The following CDH2 variants were observed in gnomAD, a reference collection of about 807,000 sequenced individuals.
CDH2 encodes cadherin-2.
A neutral mutation model predicts 92.0 loss-of-function variants in CDH2; 17 were observed. That is an observed-to-expected ratio of 0.18 (90% confidence interval 0.13 to 0.28). The LOEUF is 0.28. Among genes scored for constraint, CDH2 ranks in the 10% least tolerant of loss-of-function variants. The pLI, the probability that CDH2 is intolerant of heterozygous loss-of-function variation, is 1.00. For missense variants in CDH2, 862 were observed against 1,133.1 expected, an observed-to-expected ratio of 0.76 and a Z score of 3.44; for synonymous variants, 419 against 415.9, an observed-to-expected ratio of 1.01 and a Z score of -0.09.
At chr18:28,126,485 C>A (rs978857125) in intron 2 of CDH2, among the ~76,000 whole-genome samples, 1 of 152,094 alleles carries the variant, frequency 6.6e-6, no homozygotes, top group Non-Finnish European at 1.5e-5. Flanking sequence ...ATAAAATCCA[C>A]TCCAACTGGC....
At chr18:28,095,215 T>C (rs1052132046) in intron 2 of CDH2, among the ~76,000 whole-genome samples, 1 of 152,042 alleles carries the variant, frequency 6.6e-6, no homozygotes, top group Non-Finnish European at 1.5e-5. Flanking sequence ...AGACATCTAA[T>C]AAATGCTTGC....
chr18:27,973,843 T>C (rs2011738690), intron 14 of CDH2, among the ~76,000 whole-genome samples: 1 of 152,188 alleles, frequency 6.6e-6, no homozygotes. Flanking sequence ...AGTGATTGCA[T>C]GGATTTAAGG....
chr18:27,988,524 C>G lies in CDH2; in HGVS notation c.1741G>C (p.Gly581Arg). ...ATACAAGAAAAAACAGCGAACATACCATTGTCAGAAGCAAGGAAAGTAGCA... is the reference window on the plus strand; with the variant it reads ...ATACAAGAAAAAACAGCGAACATACGATTGTCAGAAGCAAGGAAAGTAGCA... ...YNATFLASDN[G>R]IPPMSGTGTL... Residue 581 changes from glycine (G) to arginine (R), a missense_variant and splice_region_variant, in exon 11 of 16, where the codon GGA becomes CGA. Coordinates refer to ENST00000269141, the MANE Select transcript of CDH2 (RefSeq NM_001792.5). 1 of 1,611,994 alleles carries G rather than the reference C, an allele frequency of 6.2e-7. No homozygotes were observed. The highest frequency in any genetic ancestry group is 8.5e-7 in the Non-Finnish European group (1 of 1,178,642).
At chr18:27,949,797 A>C (rs924710197), downstream of CDH2, among the ~76,000 whole-genome samples, 1 of 151,770 alleles carries the variant, frequency 6.6e-6, no homozygotes, top group African/African-American at 2.4e-5. Flanking sequence ...TACAAAGAAA[A>C]TAGTTGTTTA....
intron 2 of CDH2, among the ~76,000 whole-genome samples, chr18:28,075,688 T>C (rs569412046): frequency 1.3e-5 from 2 of 152,266 alleles, no homozygotes; most frequent in East Asian, 1.9e-4. Flanking sequence ...CTGCAGGACA[T>C]TTGCTCCCAA....
At chr18:27,983,322 T>A (rs2012120445) in intron 13 of CDH2, among the ~76,000 whole-genome samples, 1 of 152,180 alleles carries the variant, frequency 6.6e-6, no homozygotes, top group Non-Finnish European at 1.5e-5. Context: ...GCAAACTCAC[T>A]TGAGAGGTGA....
chr18:28,020,356 C>T (rs1046283210), intron 2 of CDH2, among the ~76,000 whole-genome samples: 1 of 151,618 alleles, frequency 6.6e-6, no homozygotes, highest in Admixed American at 6.6e-5. Context: ...GACTTTAAGG[C>T]TTAAAAATAA....
intron 2 of CDH2, among the ~76,000 whole-genome samples, chr18:28,093,115 C>G (rs1445194734): frequency 6.6e-6 from 1 of 152,062 alleles, no homozygotes; most frequent in Non-Finnish European, 1.5e-5. Context: ...AATGCTACTA[C>G]TCATATTTTT....
intron 10 of CDH2, 76 bp downstream of exon 10, chr18:27,990,021 T>C (rs2012359427): frequency 3.8e-6 from 4 of 1,060,480 alleles, no homozygotes; most frequent in Non-Finnish European, 5.5e-6. Flanking sequence ...TCTACTCAAA[T>C]AGTGAATTAG....
At chr18:28,174,513 T>A (rs2144376332) in intron 1 of CDH2, among the ~76,000 whole-genome samples, 1 of 152,334 alleles carries the variant, frequency 6.6e-6, no homozygotes, top group South Asian at 2.1e-4. Flanking sequence ...GACTGCCAAA[T>A]AACTTGATGA....
At chr18:28,161,317 G>A (rs985923650) in intron 1 of CDH2, among the ~76,000 whole-genome samples, 1 of 152,078 alleles carries the variant, frequency 6.6e-6, no homozygotes, top group African/African-American at 2.4e-5. Context: ...CAGTGGTCAC[G>A]CCTGTAATCC....
intron 2 of CDH2, among the ~76,000 whole-genome samples, chr18:28,046,649 G>C (rs2014082779): frequency 6.6e-6 from 1 of 152,108 alleles, no homozygotes; most frequent in Admixed American, 6.5e-5. Context: ...TTTTGTCACA[G>C]ACCTGAATAA....
At chr18:28,001,185 C>A (rs563145268) in intron 7 of CDH2, among the ~76,000 whole-genome samples, 2 of 152,296 alleles carry the variant, frequency 1.3e-5, no homozygotes, top group Non-Finnish European at 2.9e-5. Context: ...TCTCTATCCA[C>A]TGGAAGATAA....
In CDH2 at chr18:27,988,597, A is replaced by G. The variant is rs764024327; in HGVS notation, c.1668T>C (p.Ile556=). ...IDPVNGQITT[I]AVLDRESPNV... ...TTGGTGATTCTCGGTCCAAAACAGC[A>G]ATTGTAGTTATTTGTCCATTCACAG... is the stretch of plus-strand genomic sequence containing the variant. Residue 556 remains isoleucine, a synonymous_variant, in exon 11 of 16, where the codon ATT becomes ATC. Coordinates refer to ENST00000269141, the MANE Select transcript of CDH2 (RefSeq NM_001792.5). The G allele has an allele frequency of 6.2e-7, 1 of 1,609,852 alleles. No individual in the cohort carries two copies. The highest frequency in any genetic ancestry group is 8.5e-7 in the Non-Finnish European group (1 of 1,176,204).
chr18:27,955,720 AT>A (rs1285061913), intron 15 of CDH2, among the ~76,000 whole-genome samples: 2 of 138,884 alleles, frequency 1.4e-5, no homozygotes, highest in East Asian at 4.6e-4. Context: ...TGGCTTTCTG[AT>A]CATCCTGGTA....
chr18:28,141,090 G>C (rs2015945426), intron 2 of CDH2, among the ~76,000 whole-genome samples: 1 of 151,706 alleles, frequency 6.6e-6, no homozygotes, highest in African/African-American at 2.4e-5. Context: ...ATGCAAAATG[G>C]TTCACCTGCT....
chr18:28,088,526 C>G (rs776679701), intron 2 of CDH2, among the ~76,000 whole-genome samples: 8 of 152,146 alleles, frequency 5.3e-5, no homozygotes, highest in Non-Finnish European at 1.0e-4. Context: ...AGGAATCTTG[C>G]AATCTTGCCT....
At chr18:27,992,601 A>G in intron 9 of CDH2, 54 bp downstream of exon 9, 1 of 1,446,766 alleles carries the variant, frequency 6.9e-7, no homozygotes, top group Non-Finnish European at 9.5e-7. Context: ...GGGGACATAT[A>G]TTGGTCCTTG....
intron 2 of CDH2, among the ~76,000 whole-genome samples, chr18:28,051,148 T>A (rs552715275): frequency 3.9e-4 from 59 of 152,182 alleles, no homozygotes; most frequent in Non-Finnish European, 7.5e-4. Context: ...AGAGATTAAA[T>A]CCTTCCAGGT....
Sources: allele counts gnomAD v4.1 joint callset (sites outside exome capture counted in the v4.1 genomes callset), GRCh38; gene constraint gnomAD v4.1.1; transcripts MANE v1.5; gene names NCBI Gene and HGNC (gene_info 2026-07-23, HGNC 2026-07-21).